Variants in KCNE4 observed in about 807,000 individuals in gnomAD.
KCNE4 encodes the protein potassium voltage-gated channel subfamily E regulatory subunit 4, also known as potassium voltage-gated channel subfamily E member 4.
In KCNE4, 6 loss-of-function variants were observed where a neutral mutation model predicts 9.2. That is an observed-to-expected ratio of 0.65 (90% CI 0.36 to 1.29). The LOEUF (loss-of-function observed/expected upper bound fraction) is 1.29, where lower values mean the gene tolerates loss of function less well. Ranked by LOEUF, KCNE4 falls within the 50% of genes most tolerant of loss-of-function variation. The pLI is 0.03. For missense variants in KCNE4, 222 were observed against 228.8 expected (o/e 0.97, Z 0.19); for synonymous variants, 115 against 103.2 (o/e 1.11, Z -0.70).
Position 223,052,877 on chromosome 2 carries a change from C to A in KCNE4, c.47C>A (p.Ala16Asp). 1 of 1,613,912 alleles carries A rather than the reference C, an allele frequency of 6.2e-7. No homozygotes were observed. Among genetic ancestry groups the A allele is most frequent in the East Asian group, 2.2e-5 (1 of 44,874 alleles). ...AACAGCACGCACCCCGGCACCGCCG[C>A]CTCCAGCAGCCCCCTGGAGTCCCGT... Reference protein sequence around the residue: ...PLNSTHPGTAASSSPLESRAA... With the variant: ...PLNSTHPGTADSSSPLESRAA... The change falls in exon 2 of 2, where the codon GCC becomes GAC. Residue 16 changes from alanine to aspartate, a missense_variant. Coordinates refer to ENST00000281830, the MANE Select transcript of KCNE4 (RefSeq NM_080671.4).
At position 223,055,145 on chromosome 2, in the gene KCNE4, A is replaced by G. The variant is rs950586236; in HGVS notation, c.*1802A>G. The G allele has an allele frequency of 1.3e-5, 2 of 152,228 alleles. No homozygotes were observed. Among genetic ancestry groups the G allele is most frequent in the African/African-American group, 5.4e-5 (2 of 36,808 alleles). The allele number at this position is 152,228 out of a possible 1,614,324, so 9.4% of individuals were successfully genotyped here. ...AGTGCTGGGATTACAGGCATGAGCC[A>G]CTGCACCCGGCCACTTTTTTTTTTT... is the stretch of plus-strand genomic sequence containing the variant. On this transcript the variant is annotated 3_prime_UTR_variant, in exon 2 of 2. Transcript: ENST00000281830.
Position 223,053,222 on chromosome 2 carries a change from C to G in KCNE4, c.392C>G (p.Ser131Cys). The change falls in exon 2 of 2, where the codon TCC (serine) becomes TGC (cysteine). Residue 131 changes from serine (S) to cysteine (C), a missense_variant. Ser to Cys is a moderately radical substitution (Grantham distance 112, BLOSUM62 -1). Coordinates refer to ENST00000281830, the MANE Select transcript of KCNE4 (RefSeq NM_080671.4). This position sits in a 1 kb window ranked among gnomAD's most constrained non-coding sequence, Gnocchi z 4.1. ...GACAGCGTGAGCTCCGAGTCCTCCT[C>G]CCCGGACGTGCACCTCACCATTCAG... ...EGDSVSSESS[S>C]PDVHLTIQEE... 1 of 1,613,770 alleles carries G rather than the reference C, an allele frequency of 6.2e-7. No homozygotes were observed. Among genetic ancestry groups the G allele is most frequent in the Non-Finnish European group, 8.5e-7 (1 of 1,179,910 alleles).
In KCNE4 at chr2:223,052,790, C is replaced by T; in HGVS notation, c.-23-18C>T. On this transcript the variant is annotated intron_variant, in intron 1 of 1. Coordinates refer to ENST00000281830, the MANE Select transcript of KCNE4 (RefSeq NM_080671.4). ...CCAGGACCTGGGGGAGAGTTCTAAC[C>T]TGCGGCTTTTTCCCCAGCCCCTGCT... 6.2e-7 allele frequency: 1 copy of T among 1,603,364 alleles called. No homozygotes were observed. Among genetic ancestry groups the T allele is most frequent in the Non-Finnish European group, 8.5e-7 (1 of 1,179,688 alleles).
chr2:223,052,290 T>C lies in KCNE4; in HGVS notation c.-24+16T>C. 8.1e-7 allele frequency: 1 copy of C among 1,237,958 alleles called. No individual in the cohort carries two copies. The highest frequency in any genetic ancestry group is 1.0e-6 in the Non-Finnish European group (1 of 991,694). The allele number at this position is 1,237,958 out of a possible 1,614,324, so 76.7% of individuals were successfully genotyped here. On this transcript the variant is annotated intron_variant, in intron 1 of 1. Coordinates refer to ENST00000281830, the MANE Select transcript of KCNE4 (RefSeq NM_080671.4). ...GTCAGCCTTGGTAAGTCAGCAAGGC[T>C]ACACTTTGCTTTCAGAAACATTTGA...
rs1211663226 is a variant in KCNE4, at chr2:223,053,144, T to C, written c.314T>C (p.Leu105Pro). 1 of 1,612,244 alleles carries C rather than the reference T, an allele frequency of 6.2e-7. No homozygotes were observed. Among genetic ancestry groups the C allele is most frequent in the East Asian group, 2.2e-5 (1 of 44,840 alleles). The stretch of plus-strand genomic sequence containing the variant: ...CAGGTGCCCCTGATGCTGAACATGC[T>C]GCAGGAGAGCGTGGCGCCCGCGCTG... ...SVQVPLMLNM[L>P]QESVAPALSC... The change falls in exon 2 of 2, where the codon CTG (leucine) becomes CCG (proline). Residue 105 changes from leucine (L) to proline (P), a missense_variant. By Grantham distance (98) the Leu-to-Pro change is moderately conservative. Transcript: ENST00000281830. This position sits in a 1 kb window ranked among gnomAD's most constrained non-coding sequence, Gnocchi z 4.1.
chr2:223,053,325 C>T lies in KCNE4; in HGVS notation c.495C>T (p.Asn165=). 1 of 1,613,800 alleles carries T rather than the reference C, an allele frequency of 6.2e-7. No individual in the cohort carries two copies. Among genetic ancestry groups the T allele is most frequent in the Non-Finnish European group, 8.5e-7 (1 of 1,179,950 alleles). ...AGAGCAGCGAAGGGTCCTCGGAGAA[C>T]ATCCATCAGAATTCCTAGCACCCCC... The part of the protein sequence containing the change: ...LNESSEGSSE[N]IHQNS The change falls in exon 2 of 2, where the codon AAC becomes AAT. Residue 165 remains asparagine (N), a synonymous_variant. Transcript: ENST00000281830. This position sits in a 1 kb window ranked among gnomAD's most constrained non-coding sequence, Gnocchi z 4.1.
Position 223,054,315 on chromosome 2 carries a change from G to A in KCNE4, c.*972G>A, listed in dbSNP as rs911583304. On this transcript the variant is annotated 3_prime_UTR_variant, in exon 2 of 2. Transcript: ENST00000281830. Reference sequence around the variant, plus strand: ...TCCAAGTTCTGTGCTTCCTGATCCCGAGCCCTGACACTCATTTGCTGTGTG... The same window carrying A: ...TCCAAGTTCTGTGCTTCCTGATCCCAAGCCCTGACACTCATTTGCTGTGTG... 2 of 167,010 alleles carry A rather than the reference G, an allele frequency of 1.2e-5. No homozygotes were observed. The highest frequency in any genetic ancestry group is 2.9e-5 in the Non-Finnish European group (2 of 68,108). 10.3% of individuals were successfully genotyped at this position (167,010 alleles called of 1,614,324 possible). A position where few individuals can be genotyped will look rare whatever the true frequency, so the allele number is the denominator to read the frequency against.
Position 223,052,982 on chromosome 2 carries a change from T to G in KCNE4, c.152T>G (p.Ile51Ser). Residue 51 changes from isoleucine to serine, a missense_variant, in exon 2 of 2, where the codon ATC (isoleucine) becomes AGC (serine). Physicochemically the swap from Ile to Ser is moderately radical, Grantham distance 142. Coordinates refer to ENST00000281830, the MANE Select transcript of KCNE4 (RefSeq NM_080671.4). ...ATGTCCTTCTACGGCATTTTCTTGA[T>G]CGGAATCATGCTGGGCTACATGAAA... ...VVMSFYGIFL[I>S]GIMLGYMKSK... 6.2e-7 allele frequency: 1 copy of G among 1,614,200 alleles called. No homozygotes were observed. Among genetic ancestry groups the G allele is most frequent in the South Asian group, 1.1e-5 (1 of 91,088 alleles).
In KCNE4 at chr2:223,053,120, A is replaced by C. The variant is rs138456578; in HGVS notation, c.290A>C (p.Gln97Pro). 102 of 1,613,488 alleles carry C rather than the reference A, an allele frequency of 6.3e-5. No homozygotes were observed. Among genetic ancestry groups the C allele is most frequent in the Admixed American group, 1.7e-4 (10 of 60,000 alleles). The change falls in exon 2 of 2, where the codon CAG becomes CCG. Residue 97 changes from glutamine (Q) to proline (P), a missense_variant. By Grantham distance (76) the Gln-to-Pro change is moderately conservative. Transcript: ENST00000281830. The surrounding 1 kb of genome is among the most constrained non-coding windows in gnomAD (Gnocchi z 4.1). ...GTGGTGTCGGGCCTGAGGTCGGTGC[A>C]GGTGCCCCTGATGCTGAACATGCTG... Reference protein sequence around the residue: ...LPVVSGLRSVQVPLMLNMLQE... With the variant: ...LPVVSGLRSVPVPLMLNMLQE...
chr2:223,052,926 T>TGGCAAC lies in KCNE4; in HGVS notation c.98_103dup (p.Gly33_Asn34dup). ...GTGCGGCCGGCGGCGGCAGCGGCAA[T>TGGCAAC]GGCAACGAGTACTTCTACATTCTGG... On this transcript the variant is annotated inframe_insertion, in exon 2 of 2. Transcript: ENST00000281830. The TGGCAAC allele has an allele frequency of 6.2e-7, 1 of 1,614,168 alleles. No individual in the cohort carries two copies. Among genetic ancestry groups the TGGCAAC allele is most frequent in the Non-Finnish European group, 8.5e-7 (1 of 1,179,998 alleles).
Position 223,055,607 on chromosome 2 carries a change from A to G in KCNE4, c.*2264A>G, listed in dbSNP as rs915348078. On this transcript the variant is annotated 3_prime_UTR_variant, in exon 2 of 2. Coordinates refer to ENST00000281830, the MANE Select transcript of KCNE4 (RefSeq NM_080671.4). ...AATATTTTTTAATTTAAATAAATAA[A>G]CACATTTTTTCCCTCCTGGGAAGTC... is the stretch of plus-strand genomic sequence containing the variant. The G allele has an allele frequency of 1.8e-5, 3 of 164,450 alleles. No homozygotes were observed. Among genetic ancestry groups the G allele is most frequent in the Non-Finnish European group, 4.4e-5 (3 of 68,110 alleles). 10.2% of individuals were successfully genotyped at this position (164,450 alleles called of 1,614,324 possible).
In KCNE4 at chr2:223,055,430, C is replaced by T. The variant is rs150082374; in HGVS notation, c.*2087C>T. On this transcript the variant is annotated 3_prime_UTR_variant, in exon 2 of 2. Coordinates refer to ENST00000281830, the MANE Select transcript of KCNE4 (RefSeq NM_080671.4). ...CTTGAATTCTGAAATTTCACTGCGA[C>T]GGACATGTGCCTTGTCACATTTTCC... 42 of 167,202 alleles carry T rather than the reference C, an allele frequency of 2.5e-4. No homozygotes were observed. The highest frequency in any genetic ancestry group is 8.2e-4 in the African/African-American group (34 of 41,558). The allele number at this position is 167,202 out of a possible 1,614,324, so 10.4% of individuals were successfully genotyped here.
Position 223,053,443 on chromosome 2 carries a change from C to T in KCNE4, c.*100C>T, listed in dbSNP as rs925079321. The T allele has an allele frequency of 8.1e-7, 1 of 1,235,224 alleles. No homozygotes were observed. The highest frequency in any genetic ancestry group is 1.5e-5 in the African/African-American group (1 of 67,216). 76.5% of individuals were successfully genotyped at this position (1,235,224 alleles called of 1,614,324 possible). A position where few individuals can be genotyped will look rare whatever the true frequency, so the allele number is the denominator to read the frequency against. On this transcript the variant is annotated 3_prime_UTR_variant, in exon 2 of 2. Coordinates refer to ENST00000281830, the MANE Select transcript of KCNE4 (RefSeq NM_080671.4). This position sits in a 1 kb window ranked among gnomAD's most constrained non-coding sequence, Gnocchi z 4.1. ...GGTTTCACTTTCACAGTGCGGCTGC[C>T]ACTTTGAAGAGACCCTTGGTAAACC...
At chr2:223,052,525 T>TTTC (rs1698707991) in intron 1 of KCNE4, among the ~76,000 whole-genome samples, 1 of 146,068 alleles carries the variant, frequency 6.8e-6, no homozygotes, top group Non-Finnish European at 1.5e-5. Flanking sequence ...ATTTTTTTTT[T>TTTC]AATCAAAGTA....
In KCNE4 at chr2:223,054,120, A is replaced by G. The variant is rs1223821706; in HGVS notation, c.*777A>G. 6.0e-6 allele frequency: 1 copy of G among 167,094 alleles called. No individual in the cohort carries two copies. The highest frequency in any genetic ancestry group is 1.9e-4 in the East Asian group (1 of 5,194). The allele number at this position is 167,094 out of a possible 1,614,324, so 10.4% of individuals were successfully genotyped here. A position where few individuals can be genotyped will look rare whatever the true frequency, so the allele number is the denominator to read the frequency against. On this transcript the variant is annotated 3_prime_UTR_variant, in exon 2 of 2. Coordinates refer to ENST00000281830, the MANE Select transcript of KCNE4 (RefSeq NM_080671.4). The stretch of plus-strand genomic sequence containing the variant: ...ATGGTGGTTCAGGAGACTCTTCCTG[A>G]TCTTTCTAGAAGGGGTAAAGTGGGG...
In KCNE4 at chr2:223,055,368, A is replaced by G. The variant is rs1698752366; in HGVS notation, c.*2025A>G. 6.0e-6 allele frequency: 1 copy of G among 167,120 alleles called. No homozygotes were observed. Among genetic ancestry groups the G allele is most frequent in the Non-Finnish European group, 1.5e-5 (1 of 68,126 alleles). 10.4% of individuals were successfully genotyped at this position (167,120 alleles called of 1,614,324 possible). On this transcript the variant is annotated 3_prime_UTR_variant, in exon 2 of 2. Coordinates refer to ENST00000281830, the MANE Select transcript of KCNE4 (RefSeq NM_080671.4). ...GCCAAAGGGGGCTGTTTAAGTTGAAAGAAGCCAAGTTAAGTTTGGCCTCTT... is the reference window on the plus strand; with the variant it reads ...GCCAAAGGGGGCTGTTTAAGTTGAAGGAAGCCAAGTTAAGTTTGGCCTCTT...
chr2:223,052,947 T>C lies in KCNE4; in HGVS notation c.117T>C (p.Ile39=). 1 of 1,614,154 alleles carries C rather than the reference T, an allele frequency of 6.2e-7. No individual in the cohort carries two copies. The highest frequency in any genetic ancestry group is 8.5e-7 in the Non-Finnish European group (1 of 1,180,008). ...GCAATGGCAACGAGTACTTCTACAT[T>C]CTGGTTGTCATGTCCTTCTACGGCA... is the stretch of plus-strand genomic sequence containing the variant. ...GSGNGNEYFY[I]LVVMSFYGIF... The change falls in exon 2 of 2, where the codon ATT becomes ATC. Residue 39 remains isoleucine, a synonymous_variant. Coordinates refer to ENST00000281830, the MANE Select transcript of KCNE4 (RefSeq NM_080671.4).
chr2:223,053,098 G>C lies in KCNE4; in HGVS notation c.268G>C (p.Val90Leu), dbSNP rs1698719960. 6 of 1,613,916 alleles carry C rather than the reference G, an allele frequency of 3.7e-6. 1 individual carries two copies. The highest frequency in any genetic ancestry group is 5.1e-6 in the Non-Finnish European group (6 of 1,179,954). ...WGEAMKPLPVVSGLRSVQVPL... is the reference protein window; with the variant it reads ...WGEAMKPLPVLSGLRSVQVPL... ...GGAGGCCATGAAGCCGCTGCCTGTG[G>C]TGTCGGGCCTGAGGTCGGTGCAGGT... The change falls in exon 2 of 2, where the codon GTG becomes CTG. Residue 90 changes from valine (V) to leucine (L), a missense_variant. Physicochemically the swap from Val to Leu is conservative, Grantham distance 32. Coordinates refer to ENST00000281830, the MANE Select transcript of KCNE4 (RefSeq NM_080671.4). The surrounding 1 kb of genome is among the most constrained non-coding windows in gnomAD (Gnocchi z 4.1).
chr2:223,052,850 T>TG lies in KCNE4; in HGVS notation c.21dup (p.Asn8GlufsTer139), dbSNP rs771715899. 1 of 1,612,778 alleles carries TG rather than the reference T, an allele frequency of 6.2e-7. No individual in the cohort carries two copies. The highest frequency in any genetic ancestry group is 1.3e-5 in the African/African-American group (1 of 75,062). ...GCCTCAATGCTGAAAATGGAGCCTC[T>TG]GAACAGCACGCACCCCGGCACCGCC... On this transcript the variant is annotated frameshift_variant, in exon 2 of 2. Transcript: ENST00000281830. LOFTEE classifies it high-confidence loss of function.
Sources: allele counts gnomAD v4.1 joint callset (sites outside exome capture counted in the v4.1 genomes callset), GRCh38; gene constraint gnomAD v4.1.1; non-coding constraint Gnocchi (gnomAD v3.1); transcripts MANE v1.5; gene names NCBI Gene and HGNC (gene_info 2026-07-23, HGNC 2026-07-21).